RPTOR: variants seen among roughly 807,000 people sequenced by gnomAD.
RPTOR encodes regulatory associated protein of MTOR complex 1.
RPTOR carries 21 observed loss-of-function variants against 169.9 expected under a neutral mutation model. That is an observed-to-expected ratio of 0.12 (90% CI 0.09 to 0.18). The LOEUF (loss-of-function observed/expected upper bound fraction) is 0.18, where lower values mean the gene tolerates loss of function less well. RPTOR is among the 10% of genes least tolerant of loss of function. The pLI, the probability that RPTOR is intolerant of heterozygous loss-of-function variation, is 1.00. For synonymous variants in RPTOR, 732 were observed against 753.2 expected, an observed-to-expected ratio of 0.97 and a Z score of 0.46; for missense variants, 1,133 against 1,855.9, an observed-to-expected ratio of 0.61 and a Z score of 7.16.
chr17:80,892,964 C>G (rs1598383490), intron 19 of RPTOR, 95 bp downstream of exon 19: 2 of 1,452,506 alleles, frequency 1.4e-6, no homozygotes, highest in Non-Finnish European at 1.9e-6. Flanking sequence ...TGCCCCTGCC[C>G]CTTCGTCTAA....
intron 21 of RPTOR, among the ~76,000 whole-genome samples, chr17:80,919,495 G>A (rs1156639947): frequency 1.3e-5 from 2 of 152,220 alleles, no homozygotes; most frequent in African/African-American, 4.8e-5. Flanking sequence ...ACTGTGTCAA[G>A]ATCCAGTGGG....
intron 8 of RPTOR, 123 bp downstream of exon 8, chr17:80,822,424 G>A: frequency 6.2e-6 from 6 of 971,382 alleles, no homozygotes; most frequent in Non-Finnish European, 9.6e-6. Context: ...GAAGACAGTG[G>A]GAGGGGCTGA....
At position 80,754,710 on chromosome 17, in the gene RPTOR, C is replaced by T. The variant is rs2066662708; in HGVS notation, c.830+525C>T. On this transcript the variant is annotated intron_variant, in intron 6 of 33. Coordinates refer to ENST00000306801, the MANE Select transcript of RPTOR (RefSeq NM_020761.3). This position sits in a 1 kb window ranked among gnomAD's most constrained non-coding sequence, Gnocchi z 4.2. Reference sequence around the variant, plus strand: ...AGATGGTAGAAGCCGCATTTCAGCCCCAACATCCCCAGCAGAACGCACAGT... The same window carrying T: ...AGATGGTAGAAGCCGCATTTCAGCCTCAACATCCCCAGCAGAACGCACAGT... Among the ~76,000 whole-genome samples, 1 of 152,128 alleles carries T rather than the reference C, an allele frequency of 6.6e-6. No individual in the cohort carries two copies. The highest frequency in any genetic ancestry group is 6.5e-5 in the Admixed American group (1 of 15,272).
rs1300948915 is a variant in RPTOR at position 80,639,943 on chromosome 17, C to T, written c.266-3785C>T. Among the ~76,000 whole-genome samples the T allele has an allele frequency of 3.3e-5, 5 of 152,220 alleles. No individual in the cohort carries two copies. In the East Asian group the frequency reaches 7.7e-4, roughly 23 times the overall value. On this transcript the variant is annotated intron_variant, in intron 2 of 33. Transcript: ENST00000306801. The stretch of plus-strand genomic sequence containing the variant: ...CACTATCAATAACCTTGGAGCAAGT[C>T]ATTTGACTGCTTTAAACTTCAGCTT...
intron 4 of RPTOR, among the ~76,000 whole-genome samples, chr17:80,719,287 G>C (rs537382558): frequency 4.6e-5 from 7 of 152,104 alleles, no homozygotes; most frequent in African/African-American, 1.7e-4. Context: ...CTGTCAGCCC[G>C]GGGGAACAGA....
intron 6 of RPTOR, among the ~76,000 whole-genome samples, chr17:80,780,227 G>A (rs951537643): frequency 6.6e-6 from 1 of 152,176 alleles, no homozygotes; most frequent in African/African-American, 2.4e-5. Context: ...CTGAAATGCT[G>A]TTGTGCAATG....
chr17:80,635,970 A>G (rs1360727431), intron 2 of RPTOR, among the ~76,000 whole-genome samples: 1 of 152,180 alleles, frequency 6.6e-6, no homozygotes, highest in Non-Finnish European at 1.5e-5. Flanking sequence ...GTGCAATCAA[A>G]TTACTTACAA....
At chr17:80,764,392 A>G (rs1037767650) in intron 6 of RPTOR, among the ~76,000 whole-genome samples, 3 of 145,484 alleles carry the variant, frequency 2.1e-5, no homozygotes, top group East Asian at 2.0e-4. Flanking sequence ...GTTCCCACCT[A>G]TGAGTGAGAA....
chr17:80,786,619 G>A (rs951720880), intron 6 of RPTOR, among the ~76,000 whole-genome samples: 1 of 152,206 alleles, frequency 6.6e-6, no homozygotes, highest in African/African-American at 2.4e-5. Flanking sequence ...TCCGGAGAAT[G>A]GAAGAGCCGC....
At chr17:80,853,795 A>ATG (rs1555627246) in intron 11 of RPTOR, among the ~76,000 whole-genome samples, 1 of 152,190 alleles carries the variant, frequency 6.6e-6, no homozygotes, top group African/African-American at 2.4e-5. Flanking sequence ...TGCCTAATGC[A>ATG]GTGAAACCCC....
intron 13 of RPTOR, among the ~76,000 whole-genome samples, chr17:80,864,042 A>G (rs1478351771): frequency 6.6e-6 from 1 of 152,234 alleles, no homozygotes; most frequent in Non-Finnish European, 1.5e-5. Flanking sequence ...ATAACGTACT[A>G]TTTGGGGGTC....
chr17:80,684,723 G>C (rs572305869), intron 3 of RPTOR, among the ~76,000 whole-genome samples: 1 of 152,266 alleles, frequency 6.6e-6, no homozygotes, highest in Admixed American at 6.5e-5. Flanking sequence ...GGGATTACAG[G>C]CGTGAGCCAC....
At chr17:80,583,980 T>C (rs1448238922) in intron 1 of RPTOR, among the ~76,000 whole-genome samples, 6 of 152,188 alleles carry the variant, frequency 3.9e-5, no homozygotes, top group Non-Finnish European at 7.3e-5. Context: ...GGCAGCTGCC[T>C]GTGGCTGCAG....
intron 17 of RPTOR, among the ~76,000 whole-genome samples, chr17:80,890,653 C>T (rs1035443187): frequency 6.6e-6 from 1 of 152,168 alleles, no homozygotes; most frequent in Non-Finnish European, 1.5e-5. Flanking sequence ...AGACGGTGCC[C>T]GCAGTTCATA....
At chr17:80,727,062 G>A (rs771907089) in intron 4 of RPTOR, among the ~76,000 whole-genome samples, 18 of 152,010 alleles carry the variant, frequency 1.2e-4, no homozygotes, top group East Asian at 3.9e-4. Context: ...CTACACCTCC[G>A]ACCACATCGT....
chr17:80,744,552 A>T (rs2066543616), intron 5 of RPTOR, among the ~76,000 whole-genome samples: 1 of 95,552 alleles, frequency 1.0e-5, no homozygotes, highest in Non-Finnish European at 2.2e-5. Flanking sequence ...CCTGGCTACT[A>T]GCACTGTCCT....
At chr17:80,632,578 C>G (rs527959432) in intron 2 of RPTOR, among the ~76,000 whole-genome samples, 2 of 152,146 alleles carry the variant, frequency 1.3e-5, no homozygotes, top group Non-Finnish European at 2.9e-5. Context: ...TTAGGAATAT[C>G]GTCTACTTTC....
At chr17:80,603,539 A>T (rs1026897560) in intron 1 of RPTOR, among the ~76,000 whole-genome samples, 2 of 152,174 alleles carry the variant, frequency 1.3e-5, no homozygotes, top group African/African-American at 4.8e-5. Flanking sequence ...CCCCAAGACC[A>T]CTTCCTGCTT....
chr17:80,634,035 G>T (rs530140433), intron 2 of RPTOR, among the ~76,000 whole-genome samples: 1 of 151,674 alleles, frequency 6.6e-6, no homozygotes. Flanking sequence ...CTCTCTCGCT[G>T]GACAGAGCAA....
Sources: gnomAD v4.1 joint callset for allele counts (sites outside exome capture counted in the v4.1 genomes callset) on GRCh38, gnomAD v4.1.1 for gene constraint, Gnocchi (gnomAD v3.1) non-coding constraint, MANE v1.5 for transcripts, NCBI Gene and HGNC (gene_info 2026-07-23, HGNC 2026-07-21) for gene names.